The following CAPRIN2 variants were observed in gnomAD, a reference collection of about 807,000 sequenced individuals.
CAPRIN2 encodes the protein caprin-2.
CAPRIN2 carries 66 observed loss-of-function variants against 130.4 expected under a neutral mutation model. The ratio of observed to expected loss-of-function variants is 0.51; its 90% CI spans 0.42 to 0.62. The LOEUF (loss-of-function observed/expected upper bound fraction) is 0.62, where lower values mean the gene tolerates loss of function less well. Among genes scored for constraint, CAPRIN2 ranks in the 20% least tolerant of loss-of-function variants. CAPRIN2 has a pLI of 0.00. For synonymous variants in CAPRIN2, 471 were observed against 444.1 expected (o/e 1.06, Z -0.76); for missense variants, 1,185 against 1,246.6 (o/e 0.95, Z 0.74).
rs149112242 is a variant in CAPRIN2 at position 30,751,539 on chromosome 12, G to A, written c.421-406C>T. On this transcript the variant is annotated intron_variant, in intron 1 of 16. Coordinates refer to ENST00000298892, the Ensembl canonical transcript of CAPRIN2. The stretch of plus-strand genomic sequence containing the variant: ...GTTATCACAACTTGGGAGGGGGAAG[G>A]GAGGTGAAGAGTGCTACCGGTATCT... The A allele has an allele frequency of 2.8e-3, 618 of 222,524 alleles. 11 individuals carry two copies. The highest frequency in any genetic ancestry group is 0.012 in the African/African-American group (549 of 44,106). 13.8% of individuals were successfully genotyped at this position (222,524 alleles called of 1,614,324 possible). A position where few individuals can be genotyped will look rare whatever the true frequency, so the allele number is the denominator to read the frequency against.
chr12:30,717,566 T>C (rs2058038520), intron 12 of CAPRIN2, among the ~76,000 whole-genome samples: 1 of 151,844 alleles, frequency 6.6e-6, no homozygotes, highest in Admixed American at 6.6e-5. Flanking sequence ...ATTAAAATGG[T>C]AAATTCTGTT....
rs1157110468 is a variant in CAPRIN2, at chr12:30,724,366, A to C, written c.1987+4T>G. 1 of 1,592,646 alleles carries C rather than the reference A, an allele frequency of 6.3e-7. No individual in the cohort carries two copies. The highest frequency in any genetic ancestry group is 8.6e-7 in the Non-Finnish European group (1 of 1,160,670). On this transcript the variant is annotated splice_donor_region_variant and intron_variant, in intron 10 of 16. Transcript: ENST00000298892. ...TGCTCCAAGTCTTTAGAATGATTAC[A>C]TACCTACGGGGCTACCTGGAGTAGC...
chr12:30,724,521 A>C lies in CAPRIN2; in HGVS notation c.1906-70T>G, dbSNP rs568744785. 2.0e-5 allele frequency: 20 copies of C among 1,012,876 alleles called. No individual in the cohort carries two copies. In the Admixed American group the frequency reaches 2.9e-4, roughly 15 times the overall value. The allele number at this position is 1,012,876 out of a possible 1,614,324, so 62.7% of individuals were successfully genotyped here. On this transcript the variant is annotated intron_variant, in intron 9 of 16. Transcript: ENST00000298892. Reference sequence around the variant, plus strand: ...ATTTAAAAGCTATTACCATTGAATTATTCATGATGCTGCCTATAGTCTATT... The same window carrying C: ...ATTTAAAAGCTATTACCATTGAATTCTTCATGATGCTGCCTATAGTCTATT...
At chr12:30,724,782 G>A (rs541950795) in intron 9 of CAPRIN2, among the ~76,000 whole-genome samples, 5 of 152,262 alleles carry the variant, frequency 3.3e-5, no homozygotes, top group African/African-American at 1.2e-4. Flanking sequence ...CTTGAGCTCA[G>A]GAGTTCGAGA....
chr12:30,736,140 CAAAA>C (rs751202399), intron 3 of CAPRIN2, among the ~76,000 whole-genome samples: 1 of 109,328 alleles, frequency 9.1e-6, no homozygotes, highest in Non-Finnish European at 2.0e-5. Context: ...GATCCTGTCC[CAAAA>C]AAAAAAAAAA....
At chr12:30,734,849 A>AAC (rs10557103) in intron 4 of CAPRIN2, 119 bp downstream of exon 5, 50,199 of 620,290 alleles carry the variant, frequency 0.081, 953 homozygotes, top group Admixed American at 0.22. Flanking sequence ...CCCCCTCTCT[A>AAC]ACACACACAC....
chr12:30,714,231 G>A (rs1021614522), intron 14 of CAPRIN2, among the ~76,000 whole-genome samples: 2 of 152,170 alleles, frequency 1.3e-5, no homozygotes, highest in Admixed American at 1.3e-4. Flanking sequence ...ACTCAGGCTG[G>A]AGCACAGTAG....
chr12:30,716,431 A>G, intron 13 of CAPRIN2, 77 bp downstream of exon 15: 1 of 1,324,076 alleles, frequency 7.6e-7, no homozygotes, highest in Non-Finnish European at 1.1e-6. Context: ...AAGTGTCACT[A>G]CAGACTTCCT....
chr12:30,726,111 G>C, intron 8 of CAPRIN2, 23 bp from the exon 10 acceptor site: 1 of 1,400,824 alleles, frequency 7.1e-7, no homozygotes, highest in South Asian at 1.9e-5. Context: ...CCCATAATGT[G>C]TAAGAGTGAA....
intron 3 of CAPRIN2, among the ~76,000 whole-genome samples, chr12:30,737,591 T>C (rs1344100169): frequency 6.3e-5 from 9 of 141,774 alleles, no homozygotes; most frequent in African/African-American, 2.3e-4. Flanking sequence ...ATGATAAAAC[T>C]GGTTTTCTTT....
chr12:30,741,242 G>C, intron 2 of CAPRIN2, 136 bp from the exon 4 acceptor site: 1 of 448,844 alleles, frequency 2.2e-6, no homozygotes, highest in Non-Finnish European at 3.9e-6. Context: ...AAAAGTACTT[G>C]CCTAATGAAA....
intron 10 of CAPRIN2, among the ~76,000 whole-genome samples, chr12:30,723,825 G>GAATT (rs1192456748): frequency 6.6e-6 from 1 of 151,996 alleles, no homozygotes; most frequent in Non-Finnish European, 1.5e-5. Flanking sequence ...CTTCACCCAG[G>GAATT]AATTGCTACA....
intron 3 of CAPRIN2, among the ~76,000 whole-genome samples, chr12:30,737,255 A>C (rs1468361939): frequency 1.3e-5 from 2 of 151,806 alleles, no homozygotes. Context: ...CCTCCTCCCA[A>C]AGGGCTAGGG....
chr12:30,713,715 T>C (rs1348629636), intron 15 of CAPRIN2, 70 bp downstream of exon 17: 1 of 867,712 alleles, frequency 1.2e-6, no homozygotes, highest in Non-Finnish European at 1.9e-6. Flanking sequence ...GACTCTGCGA[T>C]ATACTTCAAT....
chr12:30,724,009 T>G (rs1284429864), intron 10 of CAPRIN2, among the ~76,000 whole-genome samples: 2 of 152,216 alleles, frequency 1.3e-5, no homozygotes, highest in African/African-American at 4.8e-5. Flanking sequence ...CACTTCATTG[T>G]GGTAATCACA....
chr12:30,719,279 A>C, intron 12 of CAPRIN2, 54 bp from the exon 14 acceptor site: 1 of 1,598,500 alleles, frequency 6.3e-7, no homozygotes, highest in Non-Finnish European at 8.5e-7. Flanking sequence ...ACAAGCAGTT[A>C]ACTTACTCTA....
chr12:30,749,138 G>A (rs1406385002), intron 2 of CAPRIN2, among the ~76,000 whole-genome samples: 2 of 152,192 alleles, frequency 1.3e-5, no homozygotes, highest in Non-Finnish European at 2.9e-5. Context: ...ATCCCAAGCA[G>A]TAGGAATATC....
chr12:30,709,599 C>T (rs1027312391), exon 17 of CAPRIN2: 13 of 230,376 alleles, frequency 5.6e-5, no homozygotes, highest in African/African-American at 2.9e-4. Flanking sequence ...TGTAACTTGC[C>T]TGGACTTGAG....
At chr12:30,727,355 C>T (rs994154523) in intron 8 of CAPRIN2, among the ~76,000 whole-genome samples, 1 of 152,198 alleles carries the variant, frequency 6.6e-6, no homozygotes, top group South Asian at 2.1e-4. Context: ...AAATTTTGTT[C>T]CCATACAGAA....
Sources: gnomAD v4.1 joint callset for allele counts (sites outside exome capture counted in the v4.1 genomes callset) on GRCh38, gnomAD v4.1.1 for gene constraint, MANE v1.5 for transcripts, NCBI Gene and HGNC (gene_info 2026-07-23, HGNC 2026-07-21) for gene names.